The following COL5A2 variants were observed in gnomAD, a reference collection of about 807,000 sequenced individuals.
COL5A2 encodes collagen type V alpha 2 chain, also known as collagen alpha-2(V) chain.
In COL5A2, 23 loss-of-function variants were observed where a neutral mutation model predicts 208.2. The observed-to-expected ratio is 0.11, with a 90% CI of 0.08 to 0.16. COL5A2 has a LOEUF of 0.16. Ranked by LOEUF, COL5A2 falls within the 10% of genes least tolerant of loss-of-function variation. COL5A2 has a pLI of 1.00. For synonymous variants in COL5A2, 625 were observed against 628.5 expected (o/e 0.99, Z 0.08); for missense variants, 1,590 against 1,956.4 (o/e 0.81, Z 3.53).
intron 23 of COL5A2, 27 bp from the exon 24 acceptor site, chr2:189,065,084 A>C (rs1384402768): frequency 3.1e-6 from 5 of 1,609,692 alleles, no homozygotes; most frequent in Non-Finnish European, 4.2e-6. Context: ...TGTGATTCTT[A>C]ATTGTTGTTG....
intron 26 of COL5A2, 61 bp downstream of exon 26, chr2:189,063,919 T>A: frequency 7.7e-7 from 1 of 1,303,138 alleles, no homozygotes; most frequent in Non-Finnish European, 1.1e-6. Context: ...ATAAATATCA[T>A]TTAAGTTGCA....
the COL5A2 span, among the ~76,000 whole-genome samples, chr2:189,293,695 C>T: frequency 2.0e-5 from 3 of 152,138 alleles, no homozygotes; most frequent in African/African-American, 7.2e-5. Flanking sequence ...GTCCATGAAC[C>T]CATAAGCCAG....
chr2:189,192,808 T>C (rs1400569535), intron 1 of COL5A2, among the ~76,000 whole-genome samples: 4 of 152,230 alleles, frequency 2.6e-5, no homozygotes, highest in African/African-American at 7.2e-5. Flanking sequence ...AATTAAGATA[T>C]TTAAGAGGTG....
At chr2:189,176,835 T>C (rs564862174) in intron 1 of COL5A2, among the ~76,000 whole-genome samples, 10 of 152,268 alleles carry the variant, frequency 6.6e-5, no homozygotes, top group African/African-American at 2.4e-4. Flanking sequence ...ACTCCCTAAT[T>C]TTTGTTACGT....
At chr2:189,280,510 G>T in the COL5A2 span, among the ~76,000 whole-genome samples, 1 of 151,948 alleles carries the variant, frequency 6.6e-6, no homozygotes, top group East Asian at 1.9e-4. Flanking sequence ...TATACAATAA[G>T]AATTTGTATT....
the COL5A2 span, among the ~76,000 whole-genome samples, chr2:189,399,251 G>A: frequency 2.4e-4 from 33 of 135,326 alleles, no homozygotes; most frequent in African/African-American, 8.8e-4. Flanking sequence ...TTTATTTTAC[G>A]ATTTTTTTTT....
chr2:189,119,065 C>G (rs996003682), intron 1 of COL5A2, among the ~76,000 whole-genome samples: 1 of 152,094 alleles, frequency 6.6e-6, no homozygotes, highest in Non-Finnish European at 1.5e-5. Context: ...TGTTTAAGAT[C>G]AAAACTCAAT....
intron 17 of COL5A2, 127 bp downstream of exon 17, chr2:189,075,266 A>G (rs1361949400): frequency 5.9e-6 from 4 of 679,574 alleles, no homozygotes; most frequent in Admixed American, 2.1e-5. Context: ...AAGAAGTACT[A>G]TGTGTCCATC....
intron 1 of COL5A2, among the ~76,000 whole-genome samples, chr2:189,221,562 C>G (rs1689347972): frequency 6.6e-6 from 1 of 152,072 alleles, no homozygotes; most frequent in African/African-American, 2.4e-5. Flanking sequence ...AACATTAACA[C>G]TGAAAGCACA....
the COL5A2 span, among the ~76,000 whole-genome samples, chr2:189,348,915 T>C: frequency 2.0e-5 from 3 of 152,190 alleles, no homozygotes; most frequent in African/African-American, 7.2e-5. Flanking sequence ...CTACTGTATT[T>C]TAGCTGTGCA....
Position 189,075,383 on chromosome 2 carries a change from T to C in COL5A2, c.1104+10A>G. The C allele has an allele frequency of 6.3e-7, 1 of 1,577,904 alleles. No homozygotes were observed. Among genetic ancestry groups the C allele is most frequent in the South Asian group, 1.1e-5 (1 of 90,114 alleles). ...AATTAATGAATTAATATGAAAATAATATAACTCACCATTGGTCCAGGTTTT... is the reference window on the plus strand; with the variant it reads ...AATTAATGAATTAATATGAAAATAACATAACTCACCATTGGTCCAGGTTTT... On this transcript the variant is annotated intron_variant, in intron 17 of 53. Transcript: ENST00000374866.
chr2:189,143,592 T>G (rs957881765), intron 1 of COL5A2, among the ~76,000 whole-genome samples: 1 of 152,186 alleles, frequency 6.6e-6, no homozygotes, highest in Non-Finnish European at 1.5e-5. Context: ...AAATATCCAT[T>G]GTGTCCATTA....
At chr2:189,211,418 G>A (rs1001886084) in intron 1 of COL5A2, among the ~76,000 whole-genome samples, 10 of 152,076 alleles carry the variant, frequency 6.6e-5, no homozygotes, top group African/African-American at 2.4e-4. Context: ...AAACTATATT[G>A]TGCCAAAAAA....
the COL5A2 span, among the ~76,000 whole-genome samples, chr2:189,284,876 T>A: frequency 4.0e-4 from 61 of 152,218 alleles, no homozygotes; most frequent in Non-Finnish European, 7.5e-4. Context: ...TGTTGACTAC[T>A]GTTCATGCCT....
At chr2:189,057,231 A>C in intron 34 of COL5A2, 89 bp downstream of exon 34, 1 of 1,084,270 alleles carries the variant, frequency 9.2e-7, no homozygotes, top group Non-Finnish European at 1.4e-6. Context: ...GGATGGTAGA[A>C]ATAAAAGCCT....
intron 17 of COL5A2, 109 bp from the exon 18 acceptor site, chr2:189,072,202 G>A: frequency 2.8e-6 from 2 of 717,200 alleles, no homozygotes; most frequent in Admixed American, 4.9e-5. Flanking sequence ...AGAATAACCT[G>A]CCTTTCACTT....
chr2:189,058,396 AT>A (rs764436247), intron 33 of COL5A2, 32 bp downstream of exon 33: 15 of 1,529,776 alleles, frequency 9.8e-6, no homozygotes, highest in Admixed American at 1.7e-5. Context: ...ATTTTAAAGC[AT>A]TTTAAAACAC....
chr2:189,052,832 A>T, intron 39 of COL5A2, 30 bp from the exon 40 acceptor site: 1 of 1,613,644 alleles, frequency 6.2e-7, no homozygotes, highest in Non-Finnish European at 8.5e-7. Flanking sequence ...AGAGCACTAT[A>T]GTGAAGCAAA....
At chr2:189,285,071 G>GGGGTGTGTGTGTGT in the COL5A2 span, among the ~76,000 whole-genome samples, 1 of 139,702 alleles carries the variant, frequency 7.2e-6, no homozygotes, top group African/African-American at 2.6e-5. Flanking sequence ...GCATGCACAT[G>GGGGTGTGTGTGTGT]GTGTGTGTGT....
Sources: allele counts gnomAD v4.1 joint callset (sites outside exome capture counted in the v4.1 genomes callset), GRCh38; gene constraint gnomAD v4.1.1; transcripts MANE v1.5; gene names NCBI Gene and HGNC (gene_info 2026-07-23, HGNC 2026-07-21).